The following IQCM variants were observed in gnomAD, a reference collection of about 807,000 sequenced individuals.
IQCM encodes the protein IQ motif containing M.
A neutral mutation model predicts 57.6 loss-of-function variants in IQCM; 45 were observed. The ratio of observed to expected loss-of-function variants is 0.78; its 90% CI spans 0.62 to 1.00. The LOEUF is 1.00. IQCM is among the 50% of genes least tolerant of loss of function. The pLI is 0.00. For missense variants in IQCM, 468 were observed against 511.6 expected (o/e 0.91, Z 0.82); for synonymous variants, 148 against 158.9 (o/e 0.93, Z 0.51).
chr4:149,400,738 G>T (rs1732561799), intron 13 of IQCM, among the ~76,000 whole-genome samples: 1 of 151,766 alleles, frequency 6.6e-6, no homozygotes, highest in Non-Finnish European at 1.5e-5. Context: ...TAATATTAAA[G>T]TCAATAAATA....
At chr4:149,494,715 A>G (rs969661275) in intron 12 of IQCM, among the ~76,000 whole-genome samples, 5 of 152,130 alleles carry the variant, frequency 3.3e-5, no homozygotes, top group African/African-American at 1.2e-4. Flanking sequence ...GGTGGAGCCC[A>G]TGAGACAGGA....
intron 5 of IQCM, among the ~76,000 whole-genome samples, chr4:149,727,046 G>A (rs1415672037): frequency 6.6e-6 from 1 of 151,972 alleles, no homozygotes; most frequent in African/African-American, 2.4e-5. Context: ...CACCACGCCT[G>A]GCTCCAAATA....
At chr4:149,773,068 T>C (rs1300479168) in intron 2 of IQCM, among the ~76,000 whole-genome samples, 2 of 152,156 alleles carry the variant, frequency 1.3e-5, no homozygotes, top group Non-Finnish European at 2.9e-5. Context: ...AGAATTACTA[T>C]CGGCCGGGCG....
intron 13 of IQCM, among the ~76,000 whole-genome samples, chr4:149,378,922 G>A (rs996862298): frequency 6.6e-6 from 1 of 152,094 alleles, no homozygotes; most frequent in African/African-American, 2.4e-5. Context: ...CTGGGCCTAT[G>A]GTCCCTCTGC....
rs527582173 is a variant in IQCM, at chr4:149,586,338, A to G, written c.749+1592T>C. On this transcript the variant is annotated intron_variant, in intron 9 of 13. Transcript: ENST00000636793. ...TATTTCTTCTTGTGTCAGTTTTGGT[A>G]TGCTATCTGTTTTCAAAAAACTAGA... Among the ~76,000 whole-genome samples the G allele has an allele frequency of 6.6e-5, 10 of 151,742 alleles. 1 individual carries two copies. In the South Asian group the frequency reaches 1.5e-3, roughly 22 times the overall value.
At chr4:149,639,832 A>C (rs1371149527) in intron 7 of IQCM, among the ~76,000 whole-genome samples, 1 of 152,136 alleles carries the variant, frequency 6.6e-6, no homozygotes, top group Non-Finnish European at 1.5e-5. Flanking sequence ...GGAAGGCTGA[A>C]GTGGGAGGAT....
chr4:149,573,987 G>A (rs986393457), intron 9 of IQCM, among the ~76,000 whole-genome samples: 1 of 151,834 alleles, frequency 6.6e-6, no homozygotes, highest in Non-Finnish European at 1.5e-5. Flanking sequence ...TTGGGTAACC[G>A]GCTTTAGGTT....
intron 8 of IQCM, among the ~76,000 whole-genome samples, chr4:149,604,551 A>C (rs1465059289): frequency 6.6e-6 from 1 of 152,154 alleles, no homozygotes; most frequent in Non-Finnish European, 1.5e-5. Flanking sequence ...ACAATATCCA[A>C]AGCCTGTGGC....
At chr4:149,727,383 A>G (rs1283442188) in intron 5 of IQCM, among the ~76,000 whole-genome samples, 4 of 152,140 alleles carry the variant, frequency 2.6e-5, no homozygotes, top group Non-Finnish European at 5.9e-5. Context: ...CCTAAGAGTC[A>G]TCCTTCATGC....
At chr4:149,601,190 C>T (rs1233754377) in intron 8 of IQCM, among the ~76,000 whole-genome samples, 2 of 101,550 alleles carry the variant, frequency 2.0e-5, no homozygotes, top group African/African-American at 4.0e-5. Context: ...TTCAATAGAT[C>T]GGGCTGGGAC....
intron 5 of IQCM, among the ~76,000 whole-genome samples, chr4:149,694,224 T>C: frequency 7.3e-6 from 1 of 137,544 alleles, no homozygotes; most frequent in East Asian, 2.0e-4. Context: ...ATTTCTTTTT[T>C]TTTTTTTTTT....
At chr4:149,662,720 A>T (rs1445682913) in intron 7 of IQCM, among the ~76,000 whole-genome samples, 2 of 151,732 alleles carry the variant, frequency 1.3e-5, no homozygotes, top group Admixed American at 6.6e-5. Context: ...AAGCATGGCT[A>T]CTCCTGCTCA....
intron 12 of IQCM, among the ~76,000 whole-genome samples, chr4:149,526,398 G>T (rs1746164043): frequency 6.6e-6 from 1 of 151,888 alleles, no homozygotes; most frequent in African/African-American, 2.4e-5. Context: ...ACTTTCATAT[G>T]CATATATAAG....
intron 5 of IQCM, among the ~76,000 whole-genome samples, chr4:149,688,518 C>T (rs55918638): frequency 0.21 from 31,710 of 151,890 alleles, 4,125 homozygotes; most frequent in Non-Finnish European, 0.28. Context: ...GTGAAAATGA[C>T]CATACTGCCA....
chr4:149,535,479 T>C (rs1321413507), intron 12 of IQCM, among the ~76,000 whole-genome samples: 1 of 151,952 alleles, frequency 6.6e-6, no homozygotes, highest in African/African-American at 2.4e-5. Flanking sequence ...ACTGGGTGTA[T>C]AATCTTAATA....
At chr4:149,723,941 A>AT (rs894227624) in intron 5 of IQCM, among the ~76,000 whole-genome samples, 2 of 147,528 alleles carry the variant, frequency 1.4e-5, no homozygotes, top group Admixed American at 6.8e-5. Flanking sequence ...TTCCTGGGAG[A>AT]TTTTTTTTAA....
chr4:149,457,549 C>T (rs1279091926), intron 12 of IQCM, among the ~76,000 whole-genome samples: 5 of 151,462 alleles, frequency 3.3e-5, no homozygotes, highest in Admixed American at 1.3e-4. Context: ...TGAAAAACAT[C>T]AGTTTTAGGT....
At chr4:149,666,745 G>A (rs1280665684) in intron 7 of IQCM, among the ~76,000 whole-genome samples, 1 of 152,092 alleles carries the variant, frequency 6.6e-6, no homozygotes, top group Non-Finnish European at 1.5e-5. Context: ...GGTGGGGGGA[G>A]GGGTGTCTGC....
At chr4:149,660,418 G>C (rs1227738538) in intron 7 of IQCM, among the ~76,000 whole-genome samples, 1 of 151,808 alleles carries the variant, frequency 6.6e-6, no homozygotes, top group Non-Finnish European at 1.5e-5. Context: ...GTGGAAGTCA[G>C]TGTGGCGATT....
Sources: allele counts gnomAD v4.1 joint callset (sites outside exome capture counted in the v4.1 genomes callset), GRCh38; gene constraint gnomAD v4.1.1; transcripts MANE v1.5; gene names NCBI Gene and HGNC (gene_info 2026-07-23, HGNC 2026-07-21).